Variants in PDZD8 observed in about 807,000 individuals in gnomAD.
PDZD8 encodes PDZ domain containing 8, also known as PDZ domain-containing protein 8.
Under a neutral mutation model 85.8 loss-of-function variants are expected in PDZD8, and 14 were observed. That is an observed-to-expected ratio of 0.16 (90% confidence interval 0.11 to 0.26). The LOEUF is 0.26. PDZD8 is among the 10% of genes least tolerant of loss of function. PDZD8 has a pLI of 1.00. For synonymous variants in PDZD8, 592 were observed against 568.6 expected, an observed-to-expected ratio of 1.04 and a Z score of -0.59; for missense variants, 1,197 against 1,424.3, an observed-to-expected ratio of 0.84 and a Z score of 2.57.
Position 117,283,877 on chromosome 10 carries a change from A to G in PDZD8, c.2856T>C (p.Ser952=). The change falls in exon 5 of 5, where the codon TCT becomes TCC. Residue 952 remains serine, a synonymous_variant. Coordinates refer to ENST00000334464, the MANE Select transcript of PDZD8 (RefSeq NM_173791.5). ...SSRLLNLRQV[S]KTRLSEPGTD... is the part of the protein sequence containing the mutation. Reference sequence around the variant, plus strand: ...TTCCTGGTTCAGAAAGGCGAGTTTTAGAGACTTGACGCAAATTTAATAAAC... The same window carrying G: ...TTCCTGGTTCAGAAAGGCGAGTTTTGGAGACTTGACGCAAATTTAATAAAC... 1 of 1,614,204 alleles carries G rather than the reference A, an allele frequency of 6.2e-7. No individual in the cohort carries two copies. Among genetic ancestry groups the G allele is most frequent in the African/African-American group, 1.3e-5 (1 of 75,042 alleles).
rs1844588944 is a variant in PDZD8 at position 117,282,585 on chromosome 10, T to G, written c.*683A>C. 6.6e-6 allele frequency: 1 copy of G among 152,156 alleles called. No individual in the cohort carries two copies. The highest frequency in any genetic ancestry group is 1.5e-5 in the Non-Finnish European group (1 of 68,026). 9.4% of individuals were successfully genotyped at this position (152,156 alleles called of 1,614,324 possible). A position where few individuals can be genotyped will look rare whatever the true frequency, so the allele number is the denominator to read the frequency against. On this transcript the variant is annotated 3_prime_UTR_variant, in exon 5 of 5. Coordinates refer to ENST00000334464, the MANE Select transcript of PDZD8 (RefSeq NM_173791.5). ...AATCACCATATTTTTACCATACAGC[T>G]GCACAAAAGCTTTAGAAAAAAATTT...
intron 1 of PDZD8, among the ~76,000 whole-genome samples, chr10:117,342,970 C>T (rs151133194): frequency 6.6e-6 from 1 of 152,208 alleles, no homozygotes; most frequent in Non-Finnish European, 1.5e-5. Context: ...CTCGGCCATA[C>T]ATGCTGCTTT....
At chr10:117,321,655 T>C (rs546127837) in intron 2 of PDZD8, among the ~76,000 whole-genome samples, 116 of 152,180 alleles carry the variant, frequency 7.6e-4, no homozygotes, top group Non-Finnish European at 1.4e-3. Context: ...TATATCTCAA[T>C]AAAACAATTG....
At chr10:117,363,314 A>G (rs944954640) in intron 1 of PDZD8, among the ~76,000 whole-genome samples, 1 of 152,130 alleles carries the variant, frequency 6.6e-6, no homozygotes, top group Non-Finnish European at 1.5e-5. Context: ...AGCATACAAC[A>G]CAAACACCAG....
intron 1 of PDZD8, among the ~76,000 whole-genome samples, chr10:117,361,354 T>G (rs1844996376): frequency 6.6e-6 from 1 of 152,210 alleles, no homozygotes; most frequent in Non-Finnish European, 1.5e-5. Context: ...ATTTACTCCC[T>G]GTTAGCACTA....
At chr10:117,303,252 A>G (rs1373634264) in intron 3 of PDZD8, among the ~76,000 whole-genome samples, 2 of 152,198 alleles carry the variant, frequency 1.3e-5, no homozygotes, top group Non-Finnish European at 2.9e-5. Flanking sequence ...TGGGAACTGG[A>G]GTAAAGGTGA....
At chr10:117,358,323 T>C (rs957088372) in intron 1 of PDZD8, among the ~76,000 whole-genome samples, 2 of 152,124 alleles carry the variant, frequency 1.3e-5, no homozygotes, top group African/African-American at 4.8e-5. Context: ...AAGTATAGTA[T>C]TGTCCCAGAC....
intron 2 of PDZD8, among the ~76,000 whole-genome samples, chr10:117,332,668 G>A (rs917298608): frequency 6.6e-6 from 1 of 151,566 alleles, no homozygotes; most frequent in African/African-American, 2.4e-5. Context: ...CACCACGCCT[G>A]GCTAAGTTTT....
intron 1 of PDZD8, among the ~76,000 whole-genome samples, chr10:117,373,638 G>C (rs1480962193): frequency 6.8e-6 from 1 of 147,400 alleles, no homozygotes; most frequent in Non-Finnish European, 1.5e-5. Flanking sequence ...AAATCAGCAA[G>C]GCGTGGTGCC....
At chr10:117,321,525 C>T (rs1469011506) in intron 2 of PDZD8, among the ~76,000 whole-genome samples, 1 of 152,002 alleles carries the variant, frequency 6.6e-6, no homozygotes, top group Non-Finnish European at 1.5e-5. Flanking sequence ...TATGGAGTTT[C>T]TTTGAGGGGG....
In PDZD8 at chr10:117,284,615, G is replaced by A. The variant is rs1844627718; in HGVS notation, c.2118C>T (p.Ala706=). 1 of 1,614,056 alleles carries A rather than the reference G, an allele frequency of 6.2e-7. No homozygotes were observed. The change falls in exon 5 of 5, where the codon GCC becomes GCT. Residue 706 remains alanine, a synonymous_variant. Transcript: ENST00000334464. ...TRASCLFDIE[A]CHRYLNIALW... Reference sequence around the variant, plus strand: ...ATGCAATGTTTAAGTACCTGTGACAGGCTTCTATGTCAAACAAACAGGATG... The same window carrying A: ...ATGCAATGTTTAAGTACCTGTGACAAGCTTCTATGTCAAACAAACAGGATG...
intron 2 of PDZD8, among the ~76,000 whole-genome samples, chr10:117,328,588 T>C (rs1341804301): frequency 1.3e-5 from 2 of 152,094 alleles, no homozygotes; most frequent in Non-Finnish European, 2.9e-5. Flanking sequence ...ATTTTTTTTT[T>C]CTATGTTTTT....
At position 117,281,786 on chromosome 10, in the gene PDZD8, G is replaced by A. The variant is rs529524858; in HGVS notation, c.*1482C>T. 1 of 152,230 alleles carries A rather than the reference G, an allele frequency of 6.6e-6. No individual in the cohort carries two copies. Among genetic ancestry groups the A allele is most frequent in the South Asian group, 2.1e-4 (1 of 4,816 alleles). 9.4% of individuals were successfully genotyped at this position (152,230 alleles called of 1,614,324 possible). On this transcript the variant is annotated 3_prime_UTR_variant, in exon 5 of 5. Coordinates refer to ENST00000334464, the MANE Select transcript of PDZD8 (RefSeq NM_173791.5). ...ATGGAGTCCTGGAGTCTAGACCTGG[G>A]CCCCAGTCCTTAATATTACACCATG...
chr10:117,308,508 T>C (rs1212316050), intron 3 of PDZD8, among the ~76,000 whole-genome samples: 3 of 152,150 alleles, frequency 2.0e-5, no homozygotes, highest in Admixed American at 2.0e-4. Flanking sequence ...CCAGGTATTA[T>C]GCTAAGGGTT....
chr10:117,369,618 T>C (rs1201149126), intron 1 of PDZD8, among the ~76,000 whole-genome samples: 1 of 152,214 alleles, frequency 6.6e-6, no homozygotes, highest in Admixed American at 6.5e-5. Context: ...ACTCCTCCAG[T>C]ACGGGTCTCA....
rs571846611 is a variant in PDZD8 at position 117,278,920 on chromosome 10, T to C, written c.*4348A>G. On this transcript the variant is annotated 3_prime_UTR_variant, in exon 5 of 5. Coordinates refer to ENST00000334464, the MANE Select transcript of PDZD8 (RefSeq NM_173791.5). ...TGGCTAAAAAGGCAGGCTAGTTTCT[T>C]ACTTCTACAGGGGTAGAGCCTTAAA... 6.6e-6 allele frequency: 1 copy of C among 152,210 alleles called. No individual in the cohort carries two copies. The highest frequency in any genetic ancestry group is 2.4e-5 in the African/African-American group (1 of 41,450). The allele number at this position is 152,210 out of a possible 1,614,324, so 9.4% of individuals were successfully genotyped here.
chr10:117,291,851 C>A, intron 3 of PDZD8, among the ~76,000 whole-genome samples: 1 of 74,384 alleles, frequency 1.3e-5, no homozygotes. Flanking sequence ...ATTCAAACAA[C>A]TGATTTAAAA....
rs769251026 is a variant in PDZD8, at chr10:117,285,491, G to A, written c.1262-20C>T. 10 of 1,533,618 alleles carry A rather than the reference G, an allele frequency of 6.5e-6. No individual in the cohort carries two copies. The highest frequency in any genetic ancestry group is 8.8e-6 in the Non-Finnish European group (10 of 1,139,612). ...TCACACCTGGTTTAAGATTTTAAAA[G>A]GGAAAACATGTAAATTATTGCAATA... On this transcript the variant is annotated intron_variant, in intron 4 of 4. Coordinates refer to ENST00000334464, the MANE Select transcript of PDZD8 (RefSeq NM_173791.5).
chr10:117,315,609 A>AC (rs1554853468), intron 3 of PDZD8, among the ~76,000 whole-genome samples: 2,897 of 145,714 alleles, frequency 0.02, 23 homozygotes, highest in East Asian at 0.032. Context: ...AAAAAAAAAA[A>AC]AAACAATAAT....
Sources: allele counts gnomAD v4.1 joint callset (sites outside exome capture counted in the v4.1 genomes callset), GRCh38; gene constraint gnomAD v4.1.1; transcripts MANE v1.5; gene names NCBI Gene and HGNC (gene_info 2026-07-23, HGNC 2026-07-21).